Variants in EDA observed in about 807,000 individuals in gnomAD.
The protein encoded by EDA is ectodysplasin A.
In EDA, 2 loss-of-function variants were observed where a neutral mutation model predicts 23.6. That is an observed-to-expected ratio of 0.08 (90% CI 0.03 to 0.27). The LOEUF is 0.27. EDA is among the 10% of genes least tolerant of loss of function. EDA has a pLI of 1.00. For synonymous variants in EDA, 131 were observed against 132.0 expected, an observed-to-expected ratio of 0.99 and a Z score of 0.05; for missense variants, 229 against 324.2, an observed-to-expected ratio of 0.71 and a Z score of 2.26.
intron 1 of EDA, among the ~76,000 whole-genome samples, chrX:69,711,051 G>A (rs1230004150): frequency 1.8e-5 from 2 of 111,516 alleles, no homozygotes; most frequent in Non-Finnish European, 3.8e-5. Flanking sequence ...TGGTGAGAGA[G>A]GGCATCGCTG....
intron 1 of EDA, among the ~76,000 whole-genome samples, chrX:69,633,735 C>CA (rs1220542769): frequency 8.9e-6 from 1 of 112,128 alleles, no homozygotes; most frequent in Non-Finnish European, 1.9e-5. Context: ...ATGGATATAC[C>CA]ACCTTTTATT....
At chrX:69,676,521 TGTG>T (rs1398577082) in intron 1 of EDA, among the ~76,000 whole-genome samples, 3 of 98,268 alleles carry the variant, frequency 3.1e-5, no homozygotes, top group African/African-American at 9.3e-5. Flanking sequence ...CACGTGTGCT[TGTG>T]TGTGTGTGTG....
intron 1 of EDA, among the ~76,000 whole-genome samples, chrX:69,909,838 C>G (rs191600774): frequency 2.0e-3 from 222 of 112,208 alleles, no homozygotes; most frequent in Non-Finnish European, 8.8e-4. Flanking sequence ...TAAGGATAGT[C>G]CAAGCATTCT....
intron 1 of EDA, among the ~76,000 whole-genome samples, chrX:69,851,204 G>A (rs1464084621): frequency 9.3e-6 from 1 of 107,899 alleles, no homozygotes; most frequent in Non-Finnish European, 1.9e-5. Flanking sequence ...TATAACTTTT[G>A]TAAATTTTCC....
chrX:70,023,103 T>G, intron 2 of EDA, 115 bp from the exon 3 acceptor site: 2 of 430,462 alleles, frequency 4.6e-6, no homozygotes, highest in Non-Finnish European at 8.0e-6. Context: ...CCCTTGGCTG[T>G]GAGACTCCCT....
Position 69,918,853 on chromosome X carries a change from C to T in EDA, c.397-38174C>T, listed in dbSNP as rs147781305. 1.8e-3 allele frequency among the ~76,000 whole-genome samples: 205 copies of T among 111,905 alleles called. 1 individual carries two copies. In the East Asian group the frequency reaches 0.049, roughly 27 times the overall value. ...GGCTAACAGCAGGAACTAGAGTAGA[C>T]TTCGTAGTCTAGCAGGAGTTAAAAC... is the stretch of plus-strand genomic sequence containing the variant. On this transcript the variant is annotated intron_variant, in intron 1 of 7. Coordinates refer to ENST00000374552, the MANE Select transcript of EDA (RefSeq NM_001399.5).
chrX:69,776,960 G>A (rs2014804227), intron 1 of EDA, among the ~76,000 whole-genome samples: 1 of 111,259 alleles, frequency 9.0e-6, no homozygotes, highest in Non-Finnish European at 1.9e-5. Flanking sequence ...GGAGAATACA[G>A]TTTTAAAACT....
intron 1 of EDA, among the ~76,000 whole-genome samples, chrX:69,916,041 A>G (rs1011757296): frequency 1.8e-5 from 2 of 111,901 alleles, no homozygotes; most frequent in Non-Finnish European, 3.8e-5. Context: ...TTCAGTAGTG[A>G]TGCATGATAC....
At chrX:69,958,538 C>T (rs1414913268) in intron 2 of EDA, among the ~76,000 whole-genome samples, 2 of 104,788 alleles carry the variant, frequency 1.9e-5, no homozygotes, top group Non-Finnish European at 3.9e-5. Flanking sequence ...AAAAAAAGAG[C>T]CAGAGCAGTA....
At chrX:70,007,013 T>C (rs1345634567) in intron 2 of EDA, among the ~76,000 whole-genome samples, 2 of 111,756 alleles carry the variant, frequency 1.8e-5, no homozygotes, top group African/African-American at 6.5e-5. Context: ...AAAAAAACTA[T>C]CCCTTCTCCA....
At chrX:69,996,585 T>C (rs183168645) in intron 2 of EDA, among the ~76,000 whole-genome samples, 1 of 112,282 alleles carries the variant, frequency 8.9e-6, no homozygotes, top group Non-Finnish European at 1.9e-5. Flanking sequence ...TATTGATTGA[T>C]GGCAGTAAAT....
intron 1 of EDA, among the ~76,000 whole-genome samples, chrX:69,944,537 G>T (rs1371158091): frequency 9.0e-6 from 1 of 111,572 alleles, no homozygotes; most frequent in Non-Finnish European, 1.9e-5. Flanking sequence ...TGGCTGAGCT[G>T]GTATCCAAGT....
chrX:69,631,021 A>C (rs185769126), intron 1 of EDA, among the ~76,000 whole-genome samples: 102 of 111,300 alleles, frequency 9.2e-4, no homozygotes, highest in Non-Finnish European at 1.8e-3. Flanking sequence ...AAAATGTTGG[A>C]GATTGAAGTT....
chrX:69,833,272 G>A (rs1400522750), intron 1 of EDA, among the ~76,000 whole-genome samples: 1 of 111,370 alleles, frequency 9.0e-6, no homozygotes, highest in East Asian at 2.8e-4. Flanking sequence ...TTTGTCAAAG[G>A]CCTTTTCTGC....
intron 2 of EDA, among the ~76,000 whole-genome samples, chrX:70,000,684 T>C (rs2019728031): frequency 8.9e-6 from 1 of 112,467 alleles, no homozygotes; most frequent in African/African-American, 3.2e-5. Context: ...CTAGAGAATA[T>C]CTTACACTTG....
At position 70,038,874 on chromosome X, in the gene EDA, C is replaced by G. The variant is rs1191275866; in HGVS notation, c.*3265C>G. 1 of 112,400 alleles carries G rather than the reference C, an allele frequency of 8.9e-6. No individual in the cohort carries two copies. The highest frequency in any genetic ancestry group is 9.4e-5 in the Admixed American group (1 of 10,612). 9.3% of individuals were successfully genotyped at this position (112,400 alleles called of 1,213,427 possible). A position where few individuals can be genotyped will look rare whatever the true frequency, so the allele number is the denominator to read the frequency against. ...GCCCAGAGAGGGAAGATGACCTGCCCCAAGTGGTGAGCAAGCACCAACCTC... is the reference window on the plus strand; with the variant it reads ...GCCCAGAGAGGGAAGATGACCTGCCGCAAGTGGTGAGCAAGCACCAACCTC... On this transcript the variant is annotated 3_prime_UTR_variant, in exon 8 of 8. Coordinates refer to ENST00000374552, the MANE Select transcript of EDA (RefSeq NM_001399.5).
At chrX:69,833,025 C>A (rs955841529) in intron 1 of EDA, among the ~76,000 whole-genome samples, 1 of 111,297 alleles carries the variant, frequency 9.0e-6, no homozygotes, top group Non-Finnish European at 1.9e-5. Context: ...ATTGAATACC[C>A]TTTATTTATT....
chrX:69,790,439 A>G (rs148880663), intron 1 of EDA, among the ~76,000 whole-genome samples: 1 of 111,162 alleles, frequency 9.0e-6, no homozygotes, highest in Non-Finnish European at 1.9e-5. Flanking sequence ...ATTTTATTTA[A>G]TCTTAGTTCA....
intron 2 of EDA, among the ~76,000 whole-genome samples, chrX:69,996,186 T>A (rs1256984523): frequency 8.9e-6 from 1 of 112,316 alleles, no homozygotes; most frequent in Admixed American, 9.4e-5. Context: ...GCTATTCCTG[T>A]TCCTTTAGAA....
Sources: allele counts gnomAD v4.1 joint callset (sites outside exome capture counted in the v4.1 genomes callset), GRCh38; gene constraint gnomAD v4.1.1; transcripts MANE v1.5; gene names NCBI Gene and HGNC (gene_info 2026-07-23, HGNC 2026-07-21).